The following EXOC4 variants were observed in gnomAD, a reference collection of about 807,000 sequenced individuals.
EXOC4 encodes the protein exocyst complex component 4.
In EXOC4, 71 loss-of-function variants were observed where a neutral mutation model predicts 107.2. The observed-to-expected ratio is 0.66, with a 90% CI of 0.55 to 0.81. The LOEUF (loss-of-function observed/expected upper bound fraction) is 0.81. EXOC4 is among the 30% of genes least tolerant of loss of function. The pLI is 0.00. For synonymous variants in EXOC4, 456 were observed against 441.2 expected (o/e 1.03, Z -0.42); for missense variants, 1,108 against 1,189.6 (o/e 0.93, Z 1.01).
intron 4 of EXOC4, among the ~76,000 whole-genome samples, chr7:133,314,686 AT>A (rs1243543381): frequency 6.6e-6 from 1 of 152,232 alleles, no homozygotes. Context: ...ACATATAAAA[AT>A]ATCAGTGTGC....
chr7:133,264,288 A>C (rs757400112), intron 1 of EXOC4, among the ~76,000 whole-genome samples: 40 of 152,166 alleles, frequency 2.6e-4, no homozygotes, highest in Admixed American at 7.2e-4. Flanking sequence ...TGGGTGTAGT[A>C]ATTGGCCCTA....
At chr7:133,678,209 T>TA (rs1794107875) in intron 10 of EXOC4, among the ~76,000 whole-genome samples, 1 of 152,222 alleles carries the variant, frequency 6.6e-6, no homozygotes, top group African/African-American at 2.4e-5. Flanking sequence ...TGCAGCACCA[T>TA]AGATTGACTG....
At chr7:133,294,383 A>G (rs1794472869) in intron 3 of EXOC4, among the ~76,000 whole-genome samples, 1 of 152,158 alleles carries the variant, frequency 6.6e-6, no homozygotes, top group Admixed American at 6.5e-5. Flanking sequence ...GTCAATTCAT[A>G]ATTGCATTCA....
At chr7:134,003,519 C>G (rs1193226502) in intron 15 of EXOC4, among the ~76,000 whole-genome samples, 1 of 152,106 alleles carries the variant, frequency 6.6e-6, no homozygotes, top group Non-Finnish European at 1.5e-5. Context: ...GATAATAATG[C>G]CCAAGGCTTT....
intron 11 of EXOC4, among the ~76,000 whole-genome samples, chr7:133,882,010 G>A (rs1439529672): frequency 2.6e-5 from 4 of 151,574 alleles, no homozygotes; most frequent in Non-Finnish European, 5.9e-5. Flanking sequence ...TCCCCACACT[G>A]CTCTAAAAAA....
intron 10 of EXOC4, among the ~76,000 whole-genome samples, chr7:133,737,337 C>T (rs1185211439): frequency 6.6e-6 from 1 of 152,040 alleles, no homozygotes; most frequent in African/African-American, 2.4e-5. Context: ...CATCACTCTT[C>T]TGCAGAGACT....
intron 10 of EXOC4, among the ~76,000 whole-genome samples, chr7:133,739,496 G>A (rs535919100): frequency 6.6e-6 from 1 of 152,292 alleles, no homozygotes; most frequent in East Asian, 1.9e-4. Context: ...TGATGTGGAT[G>A]TCCTGTAGGA....
chr7:134,083,215 G>A, the EXOC4 span, among the ~76,000 whole-genome samples: 248 of 152,182 alleles, frequency 1.6e-3, no homozygotes, highest in African/African-American at 5.8e-3. Flanking sequence ...TGTGTACTAA[G>A]CAGGCACCTA....
At chr7:133,581,047 G>A (rs10227507) in intron 9 of EXOC4, among the ~76,000 whole-genome samples, 4,546 of 152,258 alleles carry the variant, frequency 0.03, 219 homozygotes, top group African/African-American at 0.1. Flanking sequence ...CATTTTCCGT[G>A]TTGTATAATA....
chr7:134,030,972 T>G (rs2116475272), intron 17 of EXOC4, among the ~76,000 whole-genome samples: 1 of 152,136 alleles, frequency 6.6e-6, no homozygotes, highest in East Asian at 1.9e-4. Context: ...ACAACACGGG[T>G]AAACCTCAAA....
intron 3 of EXOC4, among the ~76,000 whole-genome samples, chr7:133,301,730 A>C (rs1660899748): frequency 1.3e-5 from 2 of 152,190 alleles, no homozygotes; most frequent in Middle Eastern, 3.2e-3. Context: ...ATTCACAAAC[A>C]GTTACTGATG....
chr7:133,563,359 A>G (rs1800845539), intron 9 of EXOC4, among the ~76,000 whole-genome samples: 1 of 152,208 alleles, frequency 6.6e-6, no homozygotes, highest in Non-Finnish European at 1.5e-5. Context: ...GAACATCTGT[A>G]AAGCATTGAC....
intron 9 of EXOC4, among the ~76,000 whole-genome samples, chr7:133,564,270 A>G (rs1179440924): frequency 6.6e-6 from 1 of 152,162 alleles, no homozygotes. Context: ...CCTATCTTAC[A>G]TGGCCGGGGT....
At chr7:134,047,032 G>C (rs1309023396) in intron 17 of EXOC4, among the ~76,000 whole-genome samples, 1 of 152,146 alleles carries the variant, frequency 6.6e-6, no homozygotes, top group Admixed American at 6.5e-5. Flanking sequence ...TGATCAAATT[G>C]GTACTGCTCT....
At chr7:133,968,783 C>G (rs945295420) in intron 14 of EXOC4, among the ~76,000 whole-genome samples, 1 of 152,134 alleles carries the variant, frequency 6.6e-6, no homozygotes, top group Admixed American at 6.5e-5. Flanking sequence ...ATTTTTCCTT[C>G]ATTTCAACCT....
At chr7:133,917,438 A>G in intron 12 of EXOC4, 145 bp from the exon 13 acceptor site, 3 of 701,484 alleles carry the variant, frequency 4.3e-6, no homozygotes, top group Non-Finnish European at 7.0e-6. Context: ...ATTAATGGGT[A>G]TCATGGACTC....
chr7:133,525,246 A>G (rs929152663), intron 9 of EXOC4, among the ~76,000 whole-genome samples: 1 of 152,160 alleles, frequency 6.6e-6, no homozygotes. Context: ...TTTTCTTAGA[A>G]TAGCCACTGC....
intron 9 of EXOC4, among the ~76,000 whole-genome samples, chr7:133,503,301 G>A (rs1482439900): frequency 6.6e-6 from 1 of 152,140 alleles, no homozygotes; most frequent in Non-Finnish European, 1.5e-5. Context: ...TTCATAAGCA[G>A]ATTCCAGAAT....
rs370876158 is a variant in EXOC4 at position 133,477,247 on chromosome 7, C to T, written c.1328+1774C>T. 5.3e-5 allele frequency among the ~76,000 whole-genome samples: 8 copies of T among 152,106 alleles called. No individual in the cohort carries two copies. The East Asian group carries it at 5.8e-4, about 11-fold the overall frequency. ...AATGGGTTTTGACAAGGCATAAGTT[C>T]CCACCATTACAGTGTCATACAGAAC... On this transcript the variant is annotated intron_variant, in intron 8 of 17. Coordinates refer to ENST00000253861, the MANE Select transcript of EXOC4 (RefSeq NM_021807.4).
Sources: gnomAD v4.1 joint callset for allele counts (sites outside exome capture counted in the v4.1 genomes callset) on GRCh38, gnomAD v4.1.1 for gene constraint, MANE v1.5 for transcripts, NCBI Gene and HGNC (gene_info 2026-07-23, HGNC 2026-07-21) for gene names.